The following CNTNAP2 variants were observed in gnomAD, a reference collection of about 807,000 sequenced individuals.
CNTNAP2 encodes the protein contactin-associated protein-like 2.
In CNTNAP2, 98 loss-of-function variants were observed where a neutral mutation model predicts 155.2. The observed-to-expected ratio is 0.63, with a 90% CI of 0.54 to 0.75. The LOEUF is 0.75. CNTNAP2 is among the 30% of genes least tolerant of loss of function. CNTNAP2 has a pLI of 0.00. For synonymous variants in CNTNAP2, 651 were observed against 631.2 expected, an observed-to-expected ratio of 1.03 and a Z score of -0.47; for missense variants, 1,727 against 1,688.1, an observed-to-expected ratio of 1.02 and a Z score of -0.40.
At chr7:147,921,042 C>G (rs1286810889) in intron 14 of CNTNAP2, among the ~76,000 whole-genome samples, 1 of 152,010 alleles carries the variant, frequency 6.6e-6, no homozygotes, top group Non-Finnish European at 1.5e-5. Flanking sequence ...ATCTCCTGAC[C>G]TTGTGATCTG....
intron 3 of CNTNAP2, among the ~76,000 whole-genome samples, chr7:146,939,241 G>A (rs1796994641): frequency 6.6e-6 from 1 of 152,112 alleles, no homozygotes; most frequent in African/African-American, 2.4e-5. Context: ...TCTATAGTAT[G>A]TTTCAGAAAC....
At chr7:147,207,702 A>G (rs1355219040) in intron 8 of CNTNAP2, among the ~76,000 whole-genome samples, 2 of 152,124 alleles carry the variant, frequency 1.3e-5, no homozygotes, top group African/African-American at 4.8e-5. Context: ...CCATAATCTA[A>G]AATATTACAT....
At chr7:147,863,888 T>C (rs1025184806) in intron 13 of CNTNAP2, among the ~76,000 whole-genome samples, 1 of 152,110 alleles carries the variant, frequency 6.6e-6, no homozygotes, top group Admixed American at 6.5e-5. Context: ...GCCTGTTCAC[T>C]CCAATGATAG....
chr7:146,347,960 G>T (rs1794843331), intron 1 of CNTNAP2, among the ~76,000 whole-genome samples: 1 of 152,172 alleles, frequency 6.6e-6, no homozygotes, highest in Non-Finnish European at 1.5e-5. Context: ...ATCTGAAACA[G>T]TTATCATCAG....
intron 3 of CNTNAP2, among the ~76,000 whole-genome samples, chr7:147,024,397 G>A (rs1798864605): frequency 6.6e-6 from 1 of 152,104 alleles, no homozygotes; most frequent in Admixed American, 6.5e-5. Context: ...TTGTGACAAT[G>A]CCAATTTTCT....
At chr7:146,482,529 G>T (rs933974843) in intron 1 of CNTNAP2, among the ~76,000 whole-genome samples, 4 of 151,932 alleles carry the variant, frequency 2.6e-5, no homozygotes, top group African/African-American at 9.7e-5. Context: ...CGGATCATAA[G>T]GTTAAGAGAT....
chr7:147,224,360 C>T (rs1584802687), intron 8 of CNTNAP2, among the ~76,000 whole-genome samples: 2 of 152,094 alleles, frequency 1.3e-5, no homozygotes, highest in East Asian at 1.9e-4. Flanking sequence ...ATGAAAGCTA[C>T]ACAATATCAA....
At chr7:147,718,809 T>A (rs966494426) in intron 13 of CNTNAP2, among the ~76,000 whole-genome samples, 1 of 152,182 alleles carries the variant, frequency 6.6e-6, no homozygotes, top group African/African-American at 2.4e-5. Context: ...CTGAGCCCAA[T>A]GTAATAATGG....
intron 3 of CNTNAP2, among the ~76,000 whole-genome samples, chr7:146,864,126 G>A (rs952624217): frequency 9.9e-5 from 15 of 151,568 alleles, no homozygotes; most frequent in Non-Finnish European, 1.5e-4. Context: ...ATAATGTAGA[G>A]CATTAGCATA....
chr7:148,165,607 C>T (rs28635905), intron 17 of CNTNAP2, among the ~76,000 whole-genome samples: 3,202 of 152,248 alleles, frequency 0.021, 120 homozygotes, highest in African/African-American at 0.072. Flanking sequence ...CACTCCTACG[C>T]GGTGCATATT....
At chr7:146,782,630 G>A (rs973253051) in intron 2 of CNTNAP2, among the ~76,000 whole-genome samples, 12 of 152,124 alleles carry the variant, frequency 7.9e-5, no homozygotes, top group African/African-American at 2.9e-4. Flanking sequence ...TCTGAGTCAG[G>A]AACTTTTGAC....
chr7:148,310,462 C>T (rs148219514), intron 21 of CNTNAP2, among the ~76,000 whole-genome samples: 6 of 128,880 alleles, frequency 4.7e-5, no homozygotes, highest in South Asian at 5.2e-4. Context: ...AGAGAGGCTA[C>T]GGAAGGTCGT....
At chr7:146,790,755 GAGGCAGGGTTTCACCGTGTT>G (rs1453672144) in intron 2 of CNTNAP2, among the ~76,000 whole-genome samples, 1 of 151,776 alleles carries the variant, frequency 6.6e-6, no homozygotes, top group Non-Finnish European at 1.5e-5. Flanking sequence ...ATTTTTAGTA[GAGGCAGGGTTTCACCGTGTT>G]AGCCAGGATG....
At chr7:148,406,763 G>A (rs771769741) in intron 22 of CNTNAP2, among the ~76,000 whole-genome samples, 4 of 152,226 alleles carry the variant, frequency 2.6e-5, no homozygotes, top group Non-Finnish European at 4.4e-5. Flanking sequence ...TTGAAGGGTG[G>A]CTTATGCCAG....
intron 14 of CNTNAP2, among the ~76,000 whole-genome samples, chr7:147,908,143 C>A (rs1446006158): frequency 6.6e-6 from 1 of 152,130 alleles, no homozygotes; most frequent in African/African-American, 2.4e-5. Flanking sequence ...CAAGTAGGCC[C>A]CTTCATGCTC....
intron 4 of CNTNAP2, among the ~76,000 whole-genome samples, chr7:147,066,466 A>G (rs1260751383): frequency 6.6e-6 from 1 of 152,194 alleles, no homozygotes; most frequent in African/African-American, 2.4e-5. Flanking sequence ...CACACTGGAA[A>G]TTGTTTTTGC....
chr7:146,911,384 C>G (rs199631800), intron 3 of CNTNAP2, among the ~76,000 whole-genome samples: 1 of 151,904 alleles, frequency 6.6e-6, no homozygotes, highest in Non-Finnish European at 1.5e-5. Context: ...TTATTCACAA[C>G]AGCAAAGACT....
intron 13 of CNTNAP2, among the ~76,000 whole-genome samples, chr7:147,889,896 A>G (rs1799659301): frequency 6.6e-6 from 1 of 152,206 alleles, no homozygotes; most frequent in African/African-American, 2.4e-5. Flanking sequence ...ATATTTTTTC[A>G]AGCACATGTA....
At position 146,715,373 on chromosome 7, in the gene CNTNAP2, T is replaced by C. The variant is rs75879661; in HGVS notation, c.98-58898T>C. On this transcript the variant is annotated intron_variant, in intron 1 of 23. Transcript: ENST00000361727. Reference sequence around the variant, plus strand: ...CAAAACTCTATGGAGTCAAAGATACTGTGAAATACAGCAAGTCCCTGGGCC... The same window carrying C: ...CAAAACTCTATGGAGTCAAAGATACCGTGAAATACAGCAAGTCCCTGGGCC... Among the ~76,000 whole-genome samples, 399 of 152,262 alleles carry C rather than the reference T, an allele frequency of 2.6e-3. 9 individuals are homozygous for C. In the East Asian group the frequency reaches 0.051, roughly 20 times the overall value.
Sources: gnomAD v4.1 joint callset for allele counts (sites outside exome capture counted in the v4.1 genomes callset) on GRCh38, gnomAD v4.1.1 for gene constraint, MANE v1.5 for transcripts, NCBI Gene and HGNC (gene_info 2026-07-23, HGNC 2026-07-21) for gene names.